HERC4: variants seen among roughly 807,000 people sequenced by gnomAD.
HERC4 encodes the protein HECT and RLD domain containing E3 ubiquitin protein ligase 4.
A neutral mutation model predicts 124.3 loss-of-function variants in HERC4; 28 were observed. The ratio of observed to expected loss-of-function variants is 0.23; its 90% CI spans 0.17 to 0.31. HERC4 has a LOEUF of 0.31. Among genes scored for constraint, HERC4 ranks in the 10% least tolerant of loss-of-function variants. HERC4 has a pLI of 1.00. For missense variants in HERC4, 713 were observed against 1,229.3 expected (o/e 0.58, Z 6.28); for synonymous variants, 407 against 421.5 (o/e 0.97, Z 0.42).
At chr10:68,041,270 T>C (rs1229346254) in intron 4 of HERC4, among the ~76,000 whole-genome samples, 1 of 151,992 alleles carries the variant, frequency 6.6e-6, no homozygotes, top group Non-Finnish European at 1.5e-5. Flanking sequence ...TTCCTAGTAA[T>C]TTAAGAAAAA....
Position 68,032,960 on chromosome 10 carries a change from T to C in HERC4, c.686-91A>G, listed in dbSNP as rs1004146815. 10 of 693,836 alleles carry C rather than the reference T, an allele frequency of 1.4e-5. No individual in the cohort carries two copies. In the Admixed American group the frequency reaches 2.1e-4, roughly 14 times the overall value. 43.0% of individuals were successfully genotyped at this position (693,836 alleles called of 1,614,324 possible). ...TCTACAGCTTGCCAAGCTCAGTAGATAGTTGTGACTAAATAATTTTAACTA... is the reference window on the plus strand; with the variant it reads ...TCTACAGCTTGCCAAGCTCAGTAGACAGTTGTGACTAAATAATTTTAACTA... On this transcript the variant is annotated intron_variant, in intron 6 of 24. Transcript: ENST00000373700.
intron 3 of HERC4, chr10:68,070,046 A>AAAACG: frequency 2.1e-6 from 2 of 971,394 alleles, no homozygotes; most frequent in Non-Finnish European, 2.4e-6. Flanking sequence ...TGTCTCAAAC[A>AAAACG]AAACGAAACA....
At chr10:68,007,603 G>A (rs540562167) in intron 9 of HERC4, 4 of 152,210 alleles carry the variant, frequency 2.6e-5, no homozygotes, top group South Asian at 2.1e-4. Context: ...AACTTCTTGG[G>A]AAGGCATTCC....
At chr10:67,939,853 G>T (rs1399281146) in intron 20 of HERC4, among the ~76,000 whole-genome samples, 199 bp from the exon 21 acceptor site, 2 of 151,978 alleles carry the variant, frequency 1.3e-5, no homozygotes, top group Admixed American at 1.3e-4. Flanking sequence ...AAAAAAATTA[G>T]TAAAAGGTTC....
At chr10:67,931,006 G>A (rs1211168060) in intron 23 of HERC4, among the ~76,000 whole-genome samples, 1 of 151,894 alleles carries the variant, frequency 6.6e-6, no homozygotes, top group African/African-American at 2.4e-5. Flanking sequence ...TTCTTTTTGA[G>A]ATGGAGTCTT....
chr10:67,932,411 C>A (rs2031918312), intron 23 of HERC4, among the ~76,000 whole-genome samples, 186 bp downstream of exon 23: 1 of 152,118 alleles, frequency 6.6e-6, no homozygotes, highest in African/African-American at 2.4e-5. Flanking sequence ...ATCAATACCA[C>A]CAATTATAAT....
chr10:68,062,318 A>C (rs558022834), intron 3 of HERC4, among the ~76,000 whole-genome samples: 1 of 152,170 alleles, frequency 6.6e-6, no homozygotes, highest in African/African-American at 2.4e-5. Context: ...GAATATACTA[A>C]TCTATAGCTA....
intron 19 of HERC4, among the ~76,000 whole-genome samples, chr10:67,946,860 T>C (rs1022482636): frequency 3.3e-5 from 5 of 152,140 alleles, no homozygotes; most frequent in African/African-American, 9.7e-5. Flanking sequence ...TGAGTCAAGA[T>C]TGAGCCACTG....
At chr10:67,992,873 C>T (rs753978426) in intron 9 of HERC4, 191 bp from the exon 10 acceptor site, 13 of 458,658 alleles carry the variant, frequency 2.8e-5, no homozygotes, top group South Asian at 1.1e-4. Context: ...GAACATTAAA[C>T]GATCCCACAA....
At chr10:68,062,911 C>A (rs544752347) in intron 3 of HERC4, among the ~76,000 whole-genome samples, 1 of 152,056 alleles carries the variant, frequency 6.6e-6, no homozygotes, top group Non-Finnish European at 1.5e-5. Context: ...AAATTAAATT[C>A]AAGCTCCTTA....
At chr10:67,938,946 A>AAAAAC (rs779693799) in intron 21 of HERC4, among the ~76,000 whole-genome samples, 8 of 152,192 alleles carry the variant, frequency 5.3e-5, no homozygotes, top group Non-Finnish European at 8.8e-5. Context: ...TCTGTCTCAA[A>AAAAAC]AAAACAAAAC....
chr10:68,039,469 A>G lies in HERC4; in HGVS notation c.387-1300T>C, dbSNP rs1011946154. 1.3e-4 allele frequency: 198 copies of G among 1,550,836 alleles called. 1 individual carries two copies. The highest frequency in any genetic ancestry group is 3.3e-4 in the Middle Eastern group (2 of 6,016). ...CAAATTCTGACCAGAGAGTCGACAC[A>G]CATGATTTTCGGGAAGCAGCTTCAG... is the stretch of plus-strand genomic sequence containing the variant. On this transcript the variant is annotated intron_variant, in intron 4 of 24. Coordinates refer to ENST00000373700, the MANE Select transcript of HERC4 (RefSeq NM_015601.4).
intron 16 of HERC4, 55 bp downstream of exon 16, chr10:67,966,624 CTTTT>C (rs771640859): frequency 8.6e-6 from 13 of 1,507,348 alleles, no homozygotes; most frequent in African/African-American, 1.4e-5. Flanking sequence ...GCAATTGTTT[CTTTT>C]TTTATTAGAT....
At chr10:67,958,054 A>T (rs2034262458) in intron 16 of HERC4, among the ~76,000 whole-genome samples, 1 of 151,934 alleles carries the variant, frequency 6.6e-6, no homozygotes, top group Non-Finnish European at 1.5e-5. Flanking sequence ...TGATCCGCCC[A>T]CCTCGGCCTC....
At chr10:68,046,805 A>G (rs2040035470) in intron 3 of HERC4, among the ~76,000 whole-genome samples, 2 of 152,288 alleles carry the variant, frequency 1.3e-5, no homozygotes, top group East Asian at 1.9e-4. Context: ...CGTCTCTACA[A>G]ATAATTTTTT....
chr10:67,963,199 C>T (rs189331932), intron 16 of HERC4, among the ~76,000 whole-genome samples: 1 of 152,146 alleles, frequency 6.6e-6, no homozygotes, highest in East Asian at 1.9e-4. Context: ...CTTAATTTGC[C>T]AATTTGTAAT....
intron 4 of HERC4, chr10:68,039,753 T>C (rs1271371548): frequency 8.1e-7 from 1 of 1,234,174 alleles, no homozygotes; most frequent in African/African-American, 1.5e-5. Flanking sequence ...TACATGAACA[T>C]ACCCAACTGT....
chr10:67,949,159 C>G (rs1331335792), intron 19 of HERC4, among the ~76,000 whole-genome samples: 2 of 151,818 alleles, frequency 1.3e-5, no homozygotes, highest in Non-Finnish European at 2.9e-5. Flanking sequence ...TGGCATGCAC[C>G]TGTAGTCCCA....
At chr10:68,057,191 T>C (rs6480302) in intron 3 of HERC4, among the ~76,000 whole-genome samples, 20,339 of 152,084 alleles carry the variant, frequency 0.13, 1,872 homozygotes, top group East Asian at 0.4. Flanking sequence ...GGGTACACAG[T>C]TTATCAACAA....
Sources: gnomAD v4.1 joint callset for allele counts (sites outside exome capture counted in the v4.1 genomes callset) on GRCh38, gnomAD v4.1.1 for gene constraint, MANE v1.5 for transcripts, NCBI Gene and HGNC (gene_info 2026-07-23, HGNC 2026-07-21) for gene names.